Variants in CCT8 observed in about 807,000 individuals in gnomAD.
CCT8 encodes the protein chaperonin containing TCP1 subunit 8.
CCT8 carries 10 observed loss-of-function variants against 65.7 expected under a neutral mutation model. The observed-to-expected ratio is 0.15, with a 90% CI of 0.09 to 0.26. The LOEUF (loss-of-function observed/expected upper bound fraction) is 0.26. Ranked by LOEUF, CCT8 falls within the 10% of genes least tolerant of loss-of-function variation. CCT8 has a pLI of 1.00. For missense variants in CCT8, 568 were observed against 669.1 expected, an observed-to-expected ratio of 0.85 and a Z score of 1.67; for synonymous variants, 199 against 221.8, an observed-to-expected ratio of 0.90 and a Z score of 0.92.
chr21:29,064,534 T>C (rs1382706434), intron 7 of CCT8, among the ~76,000 whole-genome samples: 1 of 151,752 alleles, frequency 6.6e-6, no homozygotes, highest in Non-Finnish European at 1.5e-5. Context: ...TCAAGAATTC[T>C]AGAGATGAAG....
rs772739239 is a variant in CCT8, at chr21:29,056,503, T to G, written c.1619A>C (p.Lys540Thr). The change falls in exon 15 of 15, where the codon AAA becomes ACA. Residue 540 changes from lysine to threonine, a missense_variant. Transcript: ENST00000286788. ...ATCATTTTGGTCATCATCCCAGTCT[T>G]TCTTCCCACTTGGAGGCTTGGGCCC... Reference protein sequence around the residue: ...AGGPKPPSGKKDWDDDQND With the variant: ...AGGPKPPSGKTDWDDDQND 2.2e-5 allele frequency: 34 copies of G among 1,541,150 alleles called. No individual in the cohort carries two copies. The Admixed American group carries it at 5.2e-4, about 24-fold the overall frequency.
intron 14 of CCT8, chr21:29,059,856 C>T (rs2085543594): frequency 6.6e-6 from 1 of 152,300 alleles, no homozygotes; most frequent in South Asian, 2.1e-4. Flanking sequence ...CTACTTAGGA[C>T]TTACTCCACC....
In CCT8 at chr21:29,066,713, T is replaced by C. The variant is rs2085626763; in HGVS notation, c.624+3A>G. 2 of 1,595,512 alleles carry C rather than the reference T, an allele frequency of 1.3e-6. No individual in the cohort carries two copies. Among genetic ancestry groups the C allele is most frequent in the Non-Finnish European group, 8.6e-7 (1 of 1,168,732 alleles). On this transcript the variant is annotated splice_donor_region_variant and intron_variant, in intron 6 of 14. Transcript: ENST00000286788. The stretch of plus-strand genomic sequence containing the variant: ...ATGTAGCATTAATGCATTTTCTACT[T>C]ACCAGAATTTTACAAACTCTGATGT...
chr21:29,060,250 CTGCT>C (rs994633993), intron 14 of CCT8, among the ~76,000 whole-genome samples: 142 of 152,248 alleles, frequency 9.3e-4, no homozygotes, highest in African/African-American at 3.3e-3. Flanking sequence ...TCTGCAATGT[CTGCT>C]TGAGAGCTTT....
Position 29,073,643 on chromosome 21 carries a change from G to A in CCT8, c.-53C>T. On this transcript the variant is annotated 5_prime_UTR_variant, in exon 1 of 15. Transcript: ENST00000286788. Reference sequence around the variant, plus strand: ...GACCGCTCGGAAGACCGCGGAGGAAGCGAGGAGCACGCACAGCCTTCTGGG... The same window carrying A: ...GACCGCTCGGAAGACCGCGGAGGAAACGAGGAGCACGCACAGCCTTCTGGG... 3 of 1,544,242 alleles carry A rather than the reference G, an allele frequency of 1.9e-6. No individual in the cohort carries two copies. The highest frequency in any genetic ancestry group is 1.1e-5 in the South Asian group (1 of 89,728).
rs1397591053 is a variant in CCT8 at position 29,062,256 on chromosome 21, T to A, written c.1097-13A>T. 1 of 1,608,656 alleles carries A rather than the reference T, an allele frequency of 6.2e-7. No homozygotes were observed. Among genetic ancestry groups the A allele is most frequent in the East Asian group, 2.2e-5 (1 of 44,840 alleles). ...CCATCTTCCTTTTCTATCAAAAAAT[T>A]AAATATATTTGGTGATTAAATACAA... On this transcript the variant is annotated splice_polypyrimidine_tract_variant and intron_variant, in intron 10 of 14. Coordinates refer to ENST00000286788, the MANE Select transcript of CCT8 (RefSeq NM_006585.4).
intron 1 of CCT8, among the ~76,000 whole-genome samples, chr21:29,071,569 T>C (rs1488172796): frequency 6.6e-6 from 1 of 151,982 alleles, no homozygotes; most frequent in Non-Finnish European, 1.5e-5. Flanking sequence ...GTTTTTTTTG[T>C]ATTTTTTTGA....
Position 29,061,398 on chromosome 21 carries a change from T to C in CCT8, c.1304A>G (p.Gln435Arg). Residue 435 changes from glutamine (Q) to arginine (R), a missense_variant, in exon 13 of 15, where the codon CAG (glutamine) becomes CGG (arginine). Transcript: ENST00000286788. ...SYGETCPGLEQYAIKKFAEAF... is the reference protein window; with the variant it reads ...SYGETCPGLERYAIKKFAEAF... ...CTCAGCAAACTTCTTAATAGCATAC[T>C]GTTCAAGTCCAGGACATGTCTAAAA... is the stretch of plus-strand genomic sequence containing the variant. 2 of 1,614,090 alleles carry C rather than the reference T, an allele frequency of 1.2e-6. No homozygotes were observed. Among genetic ancestry groups the C allele is most frequent in the Non-Finnish European group, 1.7e-6 (2 of 1,179,954 alleles).
rs1326700557 is a variant in CCT8 at position 29,065,001 on chromosome 21, A to G, written c.729T>C (p.Ser243=). Residue 243 remains serine, a synonymous_variant, in exon 7 of 15, where the codon TCT becomes TCC. Coordinates refer to ENST00000286788, the MANE Select transcript of CCT8 (RefSeq NM_006585.4). ...SVKDAKIAVY[S]CPFDGMITET... ...CTGTTATCATGCCATCAAAAGGACA[A>G]GAGTACACTGCTATTTTTGCATCTT... 4 of 1,613,946 alleles carry G rather than the reference A, an allele frequency of 2.5e-6. No individual in the cohort carries two copies. The Admixed American group carries it at 6.7e-5, about 27-fold the overall frequency.
intron 6 of CCT8, 53 bp from the exon 7 acceptor site, chr21:29,065,158 G>T: frequency 7.0e-6 from 11 of 1,575,204 alleles, no homozygotes; most frequent in Non-Finnish European, 9.6e-6. Flanking sequence ...TAACATTACG[G>T]TCAAACTGTT....
At chr21:29,062,075 C>G (rs2085569916) in intron 11 of CCT8, 53 bp downstream of exon 11, 1 of 1,170,312 alleles carries the variant, frequency 8.5e-7, no homozygotes, top group African/African-American at 1.5e-5. Context: ...ACTTTTAAGA[C>G]CATACAAATT....
intron 7 of CCT8, among the ~76,000 whole-genome samples, 178 bp downstream of exon 7, chr21:29,064,790 C>A (rs967668870): frequency 3.3e-5 from 5 of 152,102 alleles, no homozygotes; most frequent in African/African-American, 1.2e-4. Flanking sequence ...CTTTATATTT[C>A]CAGTTTAATG....
intron 7 of CCT8, 121 bp from the exon 8 acceptor site, chr21:29,063,651 A>C: frequency 9.3e-6 from 8 of 857,992 alleles, no homozygotes; most frequent in Non-Finnish European, 1.4e-5. Context: ...ATATATGTGC[A>C]TATATTATGA....
At position 29,072,140 on chromosome 21, in the gene CCT8, A is replaced by C; in HGVS notation, c.60+1391T>G. On this transcript the variant is annotated intron_variant, in intron 1 of 14. Transcript: ENST00000286788. ...GGCTCAGGGGCTTCTCTCACTAAGC[A>C]CTGAGCTAAGAGTTCTTCCCTAAAC... The C allele has an allele frequency of 5.0e-6, 3 of 599,056 alleles. No individual in the cohort carries two copies. The Admixed American group carries it at 9.1e-5, about 18-fold the overall frequency. 37.1% of individuals were successfully genotyped at this position (599,056 alleles called of 1,614,324 possible).
At chr21:29,070,550 G>A (rs1187650991) in intron 1 of CCT8, among the ~76,000 whole-genome samples, 1 of 152,140 alleles carries the variant, frequency 6.6e-6, no homozygotes, top group Non-Finnish European at 1.5e-5. Flanking sequence ...ATAAAATGAA[G>A]TAATTATAAT....
chr21:29,072,068 T>A, intron 1 of CCT8: 3 of 655,074 alleles, frequency 4.6e-6, no homozygotes, highest in Non-Finnish European at 8.2e-6. Context: ...AGTTAGTCCC[T>A]GAGCCTGGCA....
intron 1 of CCT8, 53 bp downstream of exon 1, chr21:29,073,478 C>T (rs1177678229): frequency 3.1e-6 from 5 of 1,612,616 alleles, no homozygotes; most frequent in Non-Finnish European, 4.2e-6. Flanking sequence ...TCGCCGCGGC[C>T]GCCGCAGCCC....
intron 3 of CCT8, 21 bp from the exon 4 acceptor site, chr21:29,067,726 A>G: frequency 3.7e-6 from 5 of 1,335,428 alleles, no homozygotes; most frequent in Non-Finnish European, 4.8e-6. Flanking sequence ...AGGTAATATC[A>G]AGTTAAACAT....
At chr21:29,056,657 T>A (rs1300265811) in intron 14 of CCT8, 105 bp from the exon 15 acceptor site, 2 of 620,898 alleles carry the variant, frequency 3.2e-6, no homozygotes, top group Non-Finnish European at 5.1e-6. Context: ...CTTCTTGGTA[T>A]AATTATGTAC....
Sources: allele counts gnomAD v4.1 joint callset (sites outside exome capture counted in the v4.1 genomes callset), GRCh38; gene constraint gnomAD v4.1.1; transcripts MANE v1.5; gene names NCBI Gene and HGNC (gene_info 2026-07-23, HGNC 2026-07-21).